Variants in ESR1 observed in about 807,000 individuals in gnomAD.
The protein encoded by ESR1 is estrogen receptor 1, also known as estrogen receptor.
A neutral mutation model predicts 52.7 loss-of-function variants in ESR1; 12 were observed. That is an observed-to-expected ratio of 0.23 (90% CI 0.15 to 0.37). The LOEUF is 0.37. ESR1 is among the 10% of genes least tolerant of loss of function. The pLI is 1.00. For missense variants in ESR1, 584 were observed against 779.7 expected (o/e 0.75, Z 2.99); for synonymous variants, 305 against 316.8 (o/e 0.96, Z 0.39).
chr6:151,714,955 G>T (rs895484266), intron 2 of ESR1, among the ~76,000 whole-genome samples: 1 of 152,164 alleles, frequency 6.6e-6, no homozygotes, highest in Non-Finnish European at 1.5e-5. Flanking sequence ...AATTTGGTAT[G>T]TTTTTGCAGT....
chr6:152,094,307 C>T lies in ESR1; in HGVS notation c.1370-78C>T, dbSNP rs1365280304. On this transcript the variant is annotated intron_variant, in intron 6 of 7. Coordinates refer to ENST00000206249, the MANE Select transcript of ESR1 (RefSeq NM_000125.4). This position sits in a 1 kb window ranked among gnomAD's most constrained non-coding sequence, Gnocchi z 4.6. ...GAGGAAGGGCACTGGCTCATTGTTA[C>T]ATCCCATGAACACTCTGGGTCTCCT... The T allele has an allele frequency of 1.6e-6, 2 of 1,245,586 alleles. No homozygotes were observed. The highest frequency in any genetic ancestry group is 1.5e-5 in the African/African-American group (1 of 67,914). The allele number at this position is 1,245,586 out of a possible 1,614,324, so 77.2% of individuals were successfully genotyped here. A position where few individuals can be genotyped will look rare whatever the true frequency, so the allele number is the denominator to read the frequency against.
chr6:151,787,920 T>C (rs1327250124), intron 2 of ESR1, among the ~76,000 whole-genome samples: 1 of 152,086 alleles, frequency 6.6e-6, no homozygotes, highest in Non-Finnish European at 1.5e-5. Context: ...CATTTTCTTG[T>C]AACTGGACCC....
At chr6:151,945,498 G>T (rs2035593905) in intron 4 of ESR1, among the ~76,000 whole-genome samples, 1 of 152,172 alleles carries the variant, frequency 6.6e-6, no homozygotes, top group Non-Finnish European at 1.5e-5. Flanking sequence ...TATTCAGGGA[G>T]AAGAACTCAA....
At chr6:152,114,890 CAAAAAAAAAAAAA>C (rs60553265) in intron 6 of ESR1, among the ~76,000 whole-genome samples, 3 of 41,172 alleles carry the variant, frequency 7.3e-5, no homozygotes, top group Non-Finnish European at 1.3e-4. Flanking sequence ...GACTCCGTCT[CAAAAAAAAAAAAA>C]AAAAAAAAAA....
chr6:151,849,784 G>T (rs1785953924), intron 2 of ESR1, among the ~76,000 whole-genome samples: 1 of 151,232 alleles, frequency 6.6e-6, no homozygotes, highest in Non-Finnish European at 1.5e-5. Flanking sequence ...ATGGTAGTTT[G>T]GAGGAAAATT....
At chr6:152,079,237 G>A (rs1366939113) in intron 6 of ESR1, among the ~76,000 whole-genome samples, 1 of 152,134 alleles carries the variant, frequency 6.6e-6, no homozygotes, top group African/African-American at 2.4e-5. Context: ...AGTAGGGGCC[G>A]ACAGACACTT....
At chr6:151,728,665 G>C (rs1029898528) in intron 2 of ESR1, among the ~76,000 whole-genome samples, 4 of 152,016 alleles carry the variant, frequency 2.6e-5, no homozygotes, top group African/African-American at 9.7e-5. Context: ...GAACATACCT[G>C]CCCCCCATCC....
rs748513146 is a variant in ESR1 at position 151,716,437 on chromosome 6, C to T, written c.-71+14432C>T. ...CTGCTGAAGCTGTGCTCACAGCCGCCGCTTCCCCCAGGTGCTCTGTCCCAG... is the reference window on the plus strand; with the variant it reads ...CTGCTGAAGCTGTGCTCACAGCCGCTGCTTCCCCCAGGTGCTCTGTCCCAG... On this transcript the variant is annotated intron_variant, in intron 2 of 2. Transcript: ENST00000404742. 2.6e-5 allele frequency among the ~76,000 whole-genome samples: 4 copies of T among 152,178 alleles called. 1 individual carries two copies. Among genetic ancestry groups the T allele is most frequent in the Admixed American group, 1.3e-4 (2 of 15,276 alleles).
At chr6:151,940,819 T>C (rs1337768925) in intron 3 of ESR1, among the ~76,000 whole-genome samples, 2 of 152,246 alleles carry the variant, frequency 1.3e-5, no homozygotes, top group East Asian at 3.8e-4. Context: ...ATGATCTGTC[T>C]TTGTTTACCA....
At chr6:151,912,771 G>T (rs1023460014) in intron 3 of ESR1, among the ~76,000 whole-genome samples, 1 of 152,136 alleles carries the variant, frequency 6.6e-6, no homozygotes, top group Admixed American at 6.5e-5. Context: ...CCTTTGCAGG[G>T]ACATGGATGA....
intron 4 of ESR1, among the ~76,000 whole-genome samples, chr6:151,995,387 A>T (rs2041392695): frequency 6.6e-6 from 1 of 152,086 alleles, no homozygotes; most frequent in Non-Finnish European, 1.5e-5. Context: ...CCTTCCATCC[A>T]TCCATCCAAG....
At chr6:151,781,275 T>C (rs1786516128) in intron 2 of ESR1, among the ~76,000 whole-genome samples, 1 of 152,216 alleles carries the variant, frequency 6.6e-6, no homozygotes, top group African/African-American at 2.4e-5. Context: ...GAAAGTCTGA[T>C]ATCAAGGTGC....
At chr6:151,777,387 G>T (rs904431894) in intron 2 of ESR1, among the ~76,000 whole-genome samples, 10 of 152,002 alleles carry the variant, frequency 6.6e-5, no homozygotes, top group African/African-American at 2.4e-4. Flanking sequence ...CCAAAGTGCT[G>T]AGATTACAGG....
At chr6:151,884,952 C>G (rs1793604756) in intron 3 of ESR1, among the ~76,000 whole-genome samples, 2 of 151,880 alleles carry the variant, frequency 1.3e-5, no homozygotes, top group South Asian at 4.1e-4. Context: ...CTTCTCTTAG[C>G]TCTTATCACC....
intron 4 of ESR1, among the ~76,000 whole-genome samples, chr6:151,947,959 A>C (rs2128545193): frequency 6.6e-6 from 1 of 152,282 alleles, no homozygotes; most frequent in East Asian, 1.9e-4. Context: ...AAATTTGTTT[A>C]TATTTAATAG....
chr6:152,078,900 A>G (rs759961356), intron 6 of ESR1, among the ~76,000 whole-genome samples: 11 of 152,218 alleles, frequency 7.2e-5, no homozygotes, highest in Admixed American at 2.6e-4. Flanking sequence ...TCAACCTGCA[A>G]TGCTGCTGCT....
At chr6:151,783,687 A>G (rs1224224683) in intron 2 of ESR1, among the ~76,000 whole-genome samples, 2 of 152,206 alleles carry the variant, frequency 1.3e-5, no homozygotes, top group African/African-American at 2.4e-5. Flanking sequence ...AACATCTTGC[A>G]TTAGTATGGT....
chr6:151,951,920 C>T (rs970188578), intron 4 of ESR1, among the ~76,000 whole-genome samples: 1 of 152,220 alleles, frequency 6.6e-6, no homozygotes, highest in Non-Finnish European at 1.5e-5. Context: ...GTGCCTGTCT[C>T]CTCTTTACTG....
chr6:151,866,080 T>C (rs1170788720), intron 2 of ESR1, among the ~76,000 whole-genome samples: 1 of 152,230 alleles, frequency 6.6e-6, no homozygotes, highest in East Asian at 1.9e-4. Context: ...CACACAGTTC[T>C]TTGTCTGAGT....
Sources: gnomAD v4.1 joint callset for allele counts (sites outside exome capture counted in the v4.1 genomes callset) on GRCh38, gnomAD v4.1.1 for gene constraint, Gnocchi (gnomAD v3.1) non-coding constraint, MANE v1.5 for transcripts, NCBI Gene and HGNC (gene_info 2026-07-23, HGNC 2026-07-21) for gene names.